The following RGS8 variants were observed in gnomAD, a reference collection of about 807,000 sequenced individuals.
RGS8 encodes the protein regulator of G protein signaling 8.
Under a neutral mutation model 21.7 loss-of-function variants are expected in RGS8, and 8 were observed. The ratio of observed to expected loss-of-function variants is 0.37; its 90% CI spans 0.22 to 0.66. The LOEUF (loss-of-function observed/expected upper bound fraction) is 0.66, where lower values mean the gene tolerates loss of function less well. Among genes scored for constraint, RGS8 ranks in the 30% least tolerant of loss-of-function variants. The probability of loss-of-function intolerance (pLI) is 0.59; values close to 1 mark genes in which losing one functional copy is unlikely to be tolerated. For synonymous variants in RGS8, 80 were observed against 83.6 expected (o/e 0.96, Z 0.24); for missense variants, 157 against 217.9 (o/e 0.72, Z 1.76).
downstream of RGS8, chr1:182,646,025 T>C (rs530508064): frequency 6.6e-6 from 1 of 152,222 alleles, no homozygotes; most frequent in Admixed American, 6.5e-5. Context: ...TTAATGGCAG[T>C]TCCACTTCAG....
At chr1:182,741,829 G>A in the RGS8 span, among the ~76,000 whole-genome samples, 6,039 of 75,138 alleles carry the variant, frequency 0.08, 226 homozygotes, top group East Asian at 0.13. Context: ...AGGGGCGGCC[G>A]GGCAGAGGCG....
chr1:182,680,366 C>G (rs1443956861), intron 1 of RGS8, among the ~76,000 whole-genome samples: 1 of 152,198 alleles, frequency 6.6e-6, no homozygotes, highest in African/African-American at 2.4e-5. Context: ...TCACAGGGTT[C>G]CATGGCTTTG....
chr1:182,664,091 C>T (rs929286922), intron 5 of RGS8, among the ~76,000 whole-genome samples: 1 of 152,146 alleles, frequency 6.6e-6, no homozygotes, highest in African/African-American at 2.4e-5. Flanking sequence ...TCAAATCAGA[C>T]AAATAAAATT....
the RGS8 span, chr1:182,734,679 G>A: frequency 1.3e-5 from 2 of 152,154 alleles, no homozygotes; most frequent in Non-Finnish European, 2.9e-5. Flanking sequence ...ATTAACAAAG[G>A]AGGTGAGGGA....
the RGS8 span, among the ~76,000 whole-genome samples, chr1:182,744,771 T>A: frequency 6.6e-6 from 1 of 152,244 alleles, no homozygotes; most frequent in South Asian, 2.1e-4. Context: ...CTGATGCATT[T>A]CTCAGAATAT....
At chr1:182,714,185 C>T in the RGS8 span, 10 of 152,252 alleles carry the variant, frequency 6.6e-5, no homozygotes, top group East Asian at 5.8e-4. Flanking sequence ...TTTCCTGACC[C>T]GCATAGTAAA....
the RGS8 span, among the ~76,000 whole-genome samples, chr1:182,695,429 A>G: frequency 6.6e-6 from 1 of 152,168 alleles, no homozygotes; most frequent in South Asian, 2.1e-4. Flanking sequence ...CAGGAATCCT[A>G]TTGAAGGGGA....
intron 5 of RGS8, among the ~76,000 whole-genome samples, chr1:182,652,849 T>G (rs1164738712): frequency 6.7e-6 from 1 of 149,364 alleles, no homozygotes; most frequent in Non-Finnish European, 1.5e-5. Context: ...ACATGGGAGG[T>G]AGAGGAGAGG....
intron 5 of RGS8, among the ~76,000 whole-genome samples, chr1:182,655,583 TG>T (rs987666012): frequency 1.3e-5 from 2 of 152,206 alleles, no homozygotes; most frequent in African/African-American, 4.8e-5. Flanking sequence ...GAGTCTCAGC[TG>T]GGAGCACCAG....
chr1:182,696,638 C>A, the RGS8 span, among the ~76,000 whole-genome samples: 2 of 152,250 alleles, frequency 1.3e-5, no homozygotes, highest in African/African-American at 4.8e-5. Flanking sequence ...GCGTGAGCCA[C>A]CGTGCCAAGC....
chr1:182,665,136 G>A (rs924112815), intron 5 of RGS8, among the ~76,000 whole-genome samples: 3 of 152,176 alleles, frequency 2.0e-5, no homozygotes, highest in Admixed American at 1.3e-4. Flanking sequence ...ATATCACTGC[G>A]ACATATTTAA....
chr1:182,736,196 T>C, the RGS8 span, among the ~76,000 whole-genome samples: 1 of 152,242 alleles, frequency 6.6e-6, no homozygotes, highest in Non-Finnish European at 1.5e-5. Context: ...ATGGTCATGC[T>C]TGTACCACCT....
chr1:182,689,124 G>A (rs559952629), upstream of RGS8, among the ~76,000 whole-genome samples: 5 of 152,174 alleles, frequency 3.3e-5, no homozygotes, highest in South Asian at 4.2e-4. Flanking sequence ...AGCAAAAAAC[G>A]GTATAGAGAT....
At chr1:182,737,681 C>CA in the RGS8 span, among the ~76,000 whole-genome samples, 9 of 152,150 alleles carry the variant, frequency 5.9e-5, no homozygotes, top group Non-Finnish European at 1.0e-4. Context: ...ATAAATTATC[C>CA]AGTCTCAGGT....
intron 5 of RGS8, among the ~76,000 whole-genome samples, chr1:182,654,522 C>T (rs980363245): frequency 3.9e-5 from 6 of 152,124 alleles, no homozygotes; most frequent in South Asian, 4.1e-4. Context: ...TTTGGGGCTA[C>T]GGCACAAACA....
the RGS8 span, among the ~76,000 whole-genome samples, chr1:182,723,139 TG>T: frequency 2.0e-5 from 3 of 152,128 alleles, no homozygotes; most frequent in Admixed American, 1.3e-4. Flanking sequence ...TGTTCTGGGT[TG>T]GGGGGGACAT....
chr1:182,696,793 T>G, the RGS8 span, among the ~76,000 whole-genome samples: 3 of 152,268 alleles, frequency 2.0e-5, no homozygotes, highest in Admixed American at 2.0e-4. Flanking sequence ...CTGAGTCATT[T>G]AGCTGATTTG....
chr1:182,692,675 C>CAAAAAAAAAAA, the RGS8 span, among the ~76,000 whole-genome samples: 2 of 28,024 alleles, frequency 7.1e-5, no homozygotes, highest in Non-Finnish European at 1.4e-4. Context: ...CAATCCTAAG[C>CAAAAAAAAAAA]AAAAAAAAAA....
At chr1:182,706,256 T>C in the RGS8 span, among the ~76,000 whole-genome samples, 34 of 152,196 alleles carry the variant, frequency 2.2e-4, no homozygotes, top group African/African-American at 7.0e-4. Flanking sequence ...CCCACAGTGC[T>C]TGGATTATAG....
Sources: allele counts gnomAD v4.1 joint callset (sites outside exome capture counted in the v4.1 genomes callset), GRCh38; gene constraint gnomAD v4.1.1; transcripts MANE v1.5; gene names NCBI Gene and HGNC (gene_info 2026-07-23, HGNC 2026-07-21).